The following ZSCAN21 variants were observed in gnomAD, a reference collection of about 807,000 sequenced individuals.
The protein encoded by ZSCAN21 is zinc finger and SCAN domain containing 21.
ZSCAN21 carries 26 observed loss-of-function variants against 35.6 expected under a neutral mutation model. That is an observed-to-expected ratio of 0.73 (90% confidence interval 0.54 to 1.01). The LOEUF is 1.01. Ranked by LOEUF, ZSCAN21 falls within the 50% of genes least tolerant of loss-of-function variation. ZSCAN21 has a pLI of 0.00. For synonymous variants in ZSCAN21, 219 were observed against 219.3 expected, an observed-to-expected ratio of 1.00 and a Z score of 0.01; for missense variants, 593 against 587.1, an observed-to-expected ratio of 1.01 and a Z score of -0.10.
intron 3 of ZSCAN21, among the ~76,000 whole-genome samples, chr7:100,062,944 A>G (rs993860299): frequency 1.3e-5 from 2 of 152,222 alleles, no homozygotes; most frequent in Non-Finnish European, 2.9e-5. Flanking sequence ...CAGCACAATC[A>G]TGGCTCACTG....
intron 3 of ZSCAN21, among the ~76,000 whole-genome samples, chr7:100,061,492 C>G (rs1584379625): frequency 6.6e-6 from 1 of 152,106 alleles, no homozygotes; most frequent in South Asian, 2.1e-4. Context: ...ACTGTACTCC[C>G]ACCTGGGCAA....
chr7:100,053,546 A>ATACATAGTTTTTTTT (rs755978112), intron 1 of ZSCAN21, among the ~76,000 whole-genome samples: 2 of 79,486 alleles, frequency 2.5e-5, no homozygotes, highest in Admixed American at 1.2e-4. Flanking sequence ...TACATACATA[A>ATACATAGTTTTTTTT]TTTTTTTTTT....
chr7:100,057,893 G>A lies in ZSCAN21; in HGVS notation c.592+3G>A, dbSNP rs757299290. On this transcript the variant is annotated splice_donor_region_variant and intron_variant, in intron 3 of 3. Coordinates refer to ENST00000292450, the MANE Select transcript of ZSCAN21 (RefSeq NM_145914.3). ...TCAAGATCCAAGAAAGGTCCGAGGT[G>A]AGGACCACCCATTAGACTCCTATTC... 5 of 1,597,066 alleles carry A rather than the reference G, an allele frequency of 3.1e-6. No homozygotes were observed. The African/African-American group carries it at 5.4e-5, about 17-fold the overall frequency.
intron 1 of ZSCAN21, among the ~76,000 whole-genome samples, chr7:100,056,312 G>C (rs1030307740): frequency 6.6e-6 from 1 of 152,166 alleles, no homozygotes; most frequent in African/African-American, 2.4e-5. Flanking sequence ...CCAGTAGATA[G>C]CTTGATAAAA....
At chr7:100,050,212 A>G (rs2116037931) in intron 1 of ZSCAN21, among the ~76,000 whole-genome samples, 1 of 152,196 alleles carries the variant, frequency 6.6e-6, no homozygotes, top group African/African-American at 2.4e-5. Flanking sequence ...CGCAAGGCTC[A>G]TTGATGGCAA....
chr7:100,056,034 G>A (rs911080231), intron 1 of ZSCAN21, among the ~76,000 whole-genome samples: 5 of 150,876 alleles, frequency 3.3e-5, no homozygotes, highest in East Asian at 2.0e-4. Flanking sequence ...TCCGTCTCCC[G>A]GGTTCACACC....
chr7:100,061,713 A>G (rs184859397), intron 3 of ZSCAN21, among the ~76,000 whole-genome samples: 122 of 152,318 alleles, frequency 8.0e-4, no homozygotes, highest in African/African-American at 2.8e-3. Context: ...GCTGATAGTC[A>G]CTGTCAGCAA....
rs371893061 is a variant in ZSCAN21, at chr7:100,064,324, C to G, written c.1129C>G (p.Arg377Gly). 6.2e-7 allele frequency: 1 copy of G among 1,613,394 alleles called. No individual in the cohort carries two copies. Among genetic ancestry groups the G allele is most frequent in the African/African-American group, 1.3e-5 (1 of 74,758 alleles). ...TTTCAGCGGGAAAGGCAGCCTCATT[C>G]GTCACTATCGGATCCACACTGGGGA... ...KAFSGKGSLIRHYRIHTGEKP... is the reference protein window; with the variant it reads ...KAFSGKGSLIGHYRIHTGEKP... The change falls in exon 4 of 4, where the codon CGT becomes GGT. Residue 377 changes from arginine to glycine, a missense_variant. Transcript: ENST00000292450.
Position 100,057,054 on chromosome 7 carries a change from T to A in ZSCAN21, c.48T>A (p.Pro16=). 1.2e-6 allele frequency: 2 copies of A among 1,614,002 alleles called. No homozygotes were observed. Among genetic ancestry groups the A allele is most frequent in the South Asian group, 1.1e-5 (1 of 91,060 alleles). The change falls in exon 2 of 4, where the codon CCT becomes CCA. Residue 16 remains proline (P), a synonymous_variant. Transcript: ENST00000292450. ...TGGCCCCAGTTCTGGGCCCTAGGCC[T>A]CCACAGGAGCAGGTGGGGCCTCTGA... ...LGMAPVLGPR[P]PQEQVGPLMV...
rs140034519 is a variant in ZSCAN21, at chr7:100,057,363, C to A, written c.357C>A (p.Leu119=). 6.3e-7 allele frequency: 1 copy of A among 1,577,894 alleles called. No individual in the cohort carries two copies. The highest frequency in any genetic ancestry group is 8.6e-7 in the Non-Finnish European group (1 of 1,163,098). Residue 119 remains leucine (L), a synonymous_variant, in exon 2 of 4, where the codon CTC becomes CTA. Coordinates refer to ENST00000292450, the MANE Select transcript of ZSCAN21 (RefSeq NM_145914.3). The part of the protein sequence containing the change: ...CPESAEEAVT[L]LEDLERELDE... ...AGAGCGCTGAAGAGGCTGTCACTCT[C>A]CTCGAAGATCTGGAGCGGGAACTGG...
At chr7:100,062,118 C>T (rs1311323027) in intron 3 of ZSCAN21, among the ~76,000 whole-genome samples, 2 of 152,076 alleles carry the variant, frequency 1.3e-5, no homozygotes, top group Non-Finnish European at 2.9e-5. Context: ...TGTAAATGGT[C>T]AGAATGCCCT....
chr7:100,056,906 C>G lies in ZSCAN21; in HGVS notation c.-96-5C>G. ...GATTATTTTTTGGTAACTATATTTTCTTAGGTTTAACTTGTGGCCCTAAAG... is the reference window on the plus strand; with the variant it reads ...GATTATTTTTTGGTAACTATATTTTGTTAGGTTTAACTTGTGGCCCTAAAG... On this transcript the variant is annotated splice_polypyrimidine_tract_variant and splice_region_variant and intron_variant, in intron 1 of 3. Transcript: ENST00000292450. 1.6e-6 allele frequency: 2 copies of G among 1,248,364 alleles called. No homozygotes were observed. The highest frequency in any genetic ancestry group is 4.9e-5 in the Admixed American group (2 of 41,152). The allele number at this position is 1,248,364 out of a possible 1,614,324, so 77.3% of individuals were successfully genotyped here. A position where few individuals can be genotyped will look rare whatever the true frequency, so the allele number is the denominator to read the frequency against.
rs1368940225 is a variant in ZSCAN21 at position 100,056,918 on chromosome 7, T to C, written c.-89T>C. On this transcript the variant is annotated 5_prime_UTR_variant, in exon 2 of 4. Coordinates refer to ENST00000292450, the MANE Select transcript of ZSCAN21 (RefSeq NM_145914.3). ...GTAACTATATTTTCTTAGGTTTAAC[T>C]TGTGGCCCTAAAGAACTGGAAACCC... 13 of 1,355,550 alleles carry C rather than the reference T, an allele frequency of 9.6e-6. No homozygotes were observed. The South Asian group carries it at 1.7e-4, about 18-fold the overall frequency. 84.0% of individuals were successfully genotyped at this position (1,355,550 alleles called of 1,614,324 possible). A position where few individuals can be genotyped will look rare whatever the true frequency, so the allele number is the denominator to read the frequency against.
intron 3 of ZSCAN21, among the ~76,000 whole-genome samples, chr7:100,058,243 G>A (rs1425152869): frequency 1.3e-5 from 2 of 152,192 alleles, no homozygotes; most frequent in Non-Finnish European, 2.9e-5. Context: ...ACAGTGAAAA[G>A]CTGTTACTCC....
chr7:100,064,390 C>A lies in ZSCAN21; in HGVS notation c.1195C>A (p.Gln399Lys). Residue 399 changes from glutamine (Q) to lysine (K), a missense_variant, in exon 4 of 4, where the codon CAG becomes AAG. Gln to Lys is a moderately conservative substitution (Grantham distance 53). Coordinates refer to ENST00000292450, the MANE Select transcript of ZSCAN21 (RefSeq NM_145914.3). The part of the protein sequence containing the change: ...QCNECGKSFS[Q>K]HAGLSSHQRL... ...TAACGAATGTGGGAAGAGCTTCAGTCAGCATGCGGGCCTCAGCTCCCACCA... is the reference window on the plus strand; with the variant it reads ...TAACGAATGTGGGAAGAGCTTCAGTAAGCATGCGGGCCTCAGCTCCCACCA... 1 of 1,614,042 alleles carries A rather than the reference C, an allele frequency of 6.2e-7. No homozygotes were observed. Among genetic ancestry groups the A allele is most frequent in the Non-Finnish European group, 8.5e-7 (1 of 1,180,010 alleles).
chr7:100,057,262 G>C lies in ZSCAN21; in HGVS notation c.256G>C (p.Glu86Gln). 6.2e-7 allele frequency: 1 copy of C among 1,613,934 alleles called. No individual in the cohort carries two copies. Among genetic ancestry groups the C allele is most frequent in the Non-Finnish European group, 8.5e-7 (1 of 1,179,996 alleles). The change falls in exon 2 of 4, where the codon GAG becomes CAG. Residue 86 changes from glutamate to glutamine, a missense_variant. Glu to Gln is a conservative substitution (Grantham distance 29). Transcript: ENST00000292450. The part of the protein sequence containing the change: ...PEIHTKEQIL[E>Q]LLVLEQFLTI... The stretch of plus-strand genomic sequence containing the variant: ...GATCCACACCAAGGAGCAGATCCTG[G>C]AGCTACTGGTGCTGGAGCAGTTCCT...
Position 100,057,024 on chromosome 7 carries a change from A to C in ZSCAN21, c.18A>C (p.Leu6=). MMTKV[L]GMAPVLGPRP... is the part of the protein sequence containing the mutation. ...GAGTTTACATGATGACCAAGGTACT[A>C]GGCATGGCCCCAGTTCTGGGCCCTA... The change falls in exon 2 of 4, where the codon CTA becomes CTC. Residue 6 remains leucine (L), a synonymous_variant. Coordinates refer to ENST00000292450, the MANE Select transcript of ZSCAN21 (RefSeq NM_145914.3). The C allele has an allele frequency of 6.2e-7, 1 of 1,610,632 alleles. No homozygotes were observed. The highest frequency in any genetic ancestry group is 8.5e-7 in the Non-Finnish European group (1 of 1,178,394).
intron 1 of ZSCAN21, among the ~76,000 whole-genome samples, chr7:100,053,082 T>C (rs1791943644): frequency 6.8e-6 from 1 of 146,898 alleles, no homozygotes; most frequent in African/African-American, 2.5e-5. Context: ...GCCAAGATCA[T>C]GGCACTGCAC....
intron 1 of ZSCAN21, among the ~76,000 whole-genome samples, chr7:100,054,873 C>T (rs1792019063): frequency 6.7e-6 from 1 of 149,598 alleles, no homozygotes; most frequent in Non-Finnish European, 1.5e-5. Context: ...TAATCAAAGC[C>T]TTAATTTCAT....
Sources: gnomAD v4.1 joint callset for allele counts (sites outside exome capture counted in the v4.1 genomes callset) on GRCh38, gnomAD v4.1.1 for gene constraint, MANE v1.5 for transcripts, NCBI Gene and HGNC (gene_info 2026-07-23, HGNC 2026-07-21) for gene names.